Variants in GIGYF2 observed in about 807,000 individuals in gnomAD.
GIGYF2 encodes the protein GRB10 interacting GYF protein 2.
Under a neutral mutation model 208.1 loss-of-function variants are expected in GIGYF2, and 25 were observed. The ratio of observed to expected loss-of-function variants is 0.12; its 90% CI spans 0.09 to 0.17. The LOEUF is 0.17. Among genes scored for constraint, GIGYF2 ranks in the 10% least tolerant of loss-of-function variants. The pLI is 1.00. For missense variants in GIGYF2, 1,302 were observed against 1,579.4 expected (o/e 0.82, Z 2.98); for synonymous variants, 534 against 543.8 (o/e 0.98, Z 0.25).
At chr2:232,790,577 G>A (rs1700040640) in intron 9 of GIGYF2, 121 bp from the exon 10 acceptor site, 1 of 827,252 alleles carries the variant, frequency 1.2e-6, no homozygotes, top group Non-Finnish European at 2.1e-6. Context: ...CTCTTTACTA[G>A]GTCAGTCCAT....
At chr2:232,728,627 G>T (rs13412513) in intron 2 of GIGYF2, among the ~76,000 whole-genome samples, 25,209 of 152,070 alleles carry the variant, frequency 0.17, 2,638 homozygotes, top group Non-Finnish European at 0.22. Context: ...AATCAAATTT[G>T]TAATTAATTG....
intron 2 of GIGYF2, among the ~76,000 whole-genome samples, chr2:232,713,260 C>T (rs1163950790): frequency 2.0e-5 from 3 of 151,964 alleles, no homozygotes; most frequent in African/African-American, 4.8e-5. Context: ...TATTTTTTGG[C>T]AGAGACAGGG....
At position 232,849,677 on chromosome 2, in the gene GIGYF2, A is replaced by C. The variant is rs192698229; in HGVS notation, c.3685-585A>C. On this transcript the variant is annotated intron_variant, in intron 27 of 28. Coordinates refer to ENST00000373563, the MANE Select transcript of GIGYF2 (RefSeq NM_001103146.3). ...CCCACTACTACCACCTGTGCCTTCAACTGGCTCATTGGCTAATAAGAGCCA... is the reference window on the plus strand; with the variant it reads ...CCCACTACTACCACCTGTGCCTTCACCTGGCTCATTGGCTAATAAGAGCCA... Among the ~76,000 whole-genome samples the C allele has an allele frequency of 2.1e-3, 323 of 152,296 alleles. 1 individual carries two copies. Among genetic ancestry groups the C allele is most frequent in the African/African-American group, 7.5e-3 (311 of 41,548 alleles).
At chr2:232,719,023 C>T (rs1016088863) in intron 2 of GIGYF2, 1 of 150,640 alleles carries the variant, frequency 6.6e-6, no homozygotes, top group African/African-American at 2.4e-5. Context: ...GACGGAGTCT[C>T]GCTTTGTTGC....
In GIGYF2 at chr2:232,848,899, A is replaced by G. The variant is rs183288482; in HGVS notation, c.3684+1328A>G. ...CAAATACATTTTAACAAGTAGGTGAATTCACAAATATGGAATCTGTGAGAA... is the reference window on the plus strand; with the variant it reads ...CAAATACATTTTAACAAGTAGGTGAGTTCACAAATATGGAATCTGTGAGAA... On this transcript the variant is annotated intron_variant, in intron 27 of 28. Coordinates refer to ENST00000373563, the MANE Select transcript of GIGYF2 (RefSeq NM_001103146.3). Among the ~76,000 whole-genome samples, 104 of 152,350 alleles carry G rather than the reference A, an allele frequency of 6.8e-4. 1 individual carries two copies. The highest frequency in any genetic ancestry group is 2.4e-3 in the African/African-American group (100 of 41,586).
intron 2 of GIGYF2, among the ~76,000 whole-genome samples, chr2:232,715,807 G>A (rs1016135010): frequency 7.4e-6 from 1 of 135,634 alleles, no homozygotes; most frequent in Non-Finnish European, 1.5e-5. Flanking sequence ...ATAATAGATG[G>A]GAGAAGAATT....
intron 19 of GIGYF2, 91 bp from the exon 20 acceptor site, chr2:232,816,780 T>A (rs892502753): frequency 1.1e-6 from 1 of 942,566 alleles, no homozygotes; most frequent in East Asian, 2.4e-5. Flanking sequence ...TACAAGCAGC[T>A]GATTGAATGA....
intron 21 of GIGYF2, among the ~76,000 whole-genome samples, chr2:232,820,675 T>A (rs1701051630): frequency 6.6e-6 from 1 of 152,220 alleles, no homozygotes; most frequent in Admixed American, 6.5e-5. Flanking sequence ...GAGGCTATGA[T>A]TTCATTCTTC....
intron 2 of GIGYF2, among the ~76,000 whole-genome samples, chr2:232,703,985 T>C (rs1243741506): frequency 6.6e-6 from 1 of 152,228 alleles, no homozygotes; most frequent in Non-Finnish European, 1.5e-5. Flanking sequence ...GAGCCACATA[T>C]GAACTTAGGC....
chr2:232,803,262 TGTCA>T (rs1227259294), intron 14 of GIGYF2, among the ~76,000 whole-genome samples: 2 of 152,250 alleles, frequency 1.3e-5, no homozygotes, highest in Non-Finnish European at 2.9e-5. Context: ...ACATATTTTT[TGTCA>T]GTCTTTATCT....
Position 232,806,271 on chromosome 2 carries a change from G to A in GIGYF2, c.1640-220G>A, listed in dbSNP as rs556626050. Reference sequence around the variant, plus strand: ...GACAGTTATGCTCCTTATAATTGAAGTGCTGCTGATAATTTGGGATGTATA... The same window carrying A: ...GACAGTTATGCTCCTTATAATTGAAATGCTGCTGATAATTTGGGATGTATA... On this transcript the variant is annotated intron_variant, in intron 14 of 28. Transcript: ENST00000373563. The surrounding 1 kb of genome is among the most constrained non-coding windows in gnomAD (Gnocchi z 4.0). Among the ~76,000 whole-genome samples, 3 of 152,218 alleles carry A rather than the reference G, an allele frequency of 2.0e-5. No individual in the cohort carries two copies. Among genetic ancestry groups the A allele is most frequent in the African/African-American group, 4.8e-5 (2 of 41,458 alleles).
chr2:232,787,307 G>C lies in GIGYF2; in HGVS notation c.690G>C (p.Glu230Asp), dbSNP rs1699948271. Residue 230 changes from glutamate to aspartate, a missense_variant, in exon 9 of 29, where the codon GAG (glutamate) becomes GAC (aspartate). Glu to Asp is a conservative substitution (Grantham distance 45, BLOSUM62 2). Around this residue, in one of 8 missense-constraint regions of GIGYF2, gnomAD observed 189 missense variants for 257.7 expected, o/e 0.73. Coordinates refer to ENST00000373563, the MANE Select transcript of GIGYF2 (RefSeq NM_001103146.3). Reference sequence around the variant, plus strand: ...TAGCTGGATCAAGGAGGGATGGAGAGAGGTGGCGACCTCACAGTCCTGGTA... The same window carrying C: ...TAGCTGGATCAAGGAGGGATGGAGACAGGTGGCGACCTCACAGTCCTGGTA... ...WRLAGSRRDG[E>D]RWRPHSPDGP... is the part of the protein sequence containing the mutation. 6.2e-7 allele frequency: 1 copy of C among 1,614,078 alleles called. No individual in the cohort carries two copies. The highest frequency in any genetic ancestry group is 8.5e-7 in the Non-Finnish European group (1 of 1,179,990).
At chr2:232,753,280 C>A (rs930169877) in intron 5 of GIGYF2, among the ~76,000 whole-genome samples, 1 of 152,000 alleles carries the variant, frequency 6.6e-6, no homozygotes, top group African/African-American at 2.4e-5. Flanking sequence ...CCCGCCACCA[C>A]GCCTGGCTAA....
chr2:232,720,958 T>C (rs1293068885), intron 2 of GIGYF2, among the ~76,000 whole-genome samples: 2 of 152,142 alleles, frequency 1.3e-5, no homozygotes, highest in Non-Finnish European at 2.9e-5. Flanking sequence ...TTGAAGTCCT[T>C]ATCCCTAGAG....
intron 8 of GIGYF2, among the ~76,000 whole-genome samples, chr2:232,779,707 G>A (rs992085915): frequency 1.3e-5 from 2 of 152,172 alleles, no homozygotes; most frequent in African/African-American, 4.8e-5. Context: ...ACCTTTTTCA[G>A]AGATTCTGAT....
chr2:232,737,164 C>G (rs1213928296), intron 3 of GIGYF2, among the ~76,000 whole-genome samples: 3 of 152,308 alleles, frequency 2.0e-5, no homozygotes, highest in East Asian at 3.9e-4. Context: ...TTTGGAGAGA[C>G]AGTTTGCTGG....
At chr2:232,830,083 C>T (rs1160631513) in intron 21 of GIGYF2, among the ~76,000 whole-genome samples, 3 of 152,114 alleles carry the variant, frequency 2.0e-5, no homozygotes, top group East Asian at 3.9e-4. Flanking sequence ...GGGGCTCAAG[C>T]GATCCTCCTG....
intron 2 of GIGYF2, chr2:232,729,547 A>G (rs752422131): frequency 1.5e-6 from 2 of 1,348,690 alleles, no homozygotes; most frequent in Non-Finnish European, 2.0e-6. Context: ...AAGCAGCCAC[A>G]TCCATGGACT....
intron 14 of GIGYF2, among the ~76,000 whole-genome samples, chr2:232,803,170 C>T (rs1057411207): frequency 3.3e-5 from 5 of 152,310 alleles, no homozygotes; most frequent in African/African-American, 9.6e-5. Flanking sequence ...GGATTACTGG[C>T]GTGAGCCACT....
Sources: allele counts gnomAD v4.1 joint callset (sites outside exome capture counted in the v4.1 genomes callset), GRCh38; gene constraint gnomAD v4.1.1; regional missense constraint gnomAD v4.1.1; non-coding constraint Gnocchi (gnomAD v3.1); transcripts MANE v1.5; gene names NCBI Gene and HGNC (gene_info 2026-07-23, HGNC 2026-07-21).